OR11H4: variants seen among roughly 807,000 people sequenced by gnomAD.
OR11H4 encodes the protein olfactory receptor family 11 subfamily H member 4.
For synonymous variants in OR11H4, 162 were observed against 142.3 expected (o/e 1.14, Z -0.98); for missense variants, 460 against 371.1 (o/e 1.24, Z -1.97).
chr14:20,240,575 C>G (rs1221122620), intron 1 of OR11H4, among the ~76,000 whole-genome samples: 1 of 137,120 alleles, frequency 7.3e-6, no homozygotes, highest in Non-Finnish European at 1.6e-5. Flanking sequence ...ATTGAAACTA[C>G]CTTCTTTTTT....
At chr14:20,242,788 A>G in intron 1 of OR11H4, 23 bp from the exon 2 acceptor site, 1 of 1,608,400 alleles carries the variant, frequency 6.2e-7, no homozygotes, top group Non-Finnish European at 8.5e-7. Context: ...CTTGGATTAC[A>G]CTCATGTCTT....
rs142588807 is a variant in OR11H4, at chr14:20,243,365, G to C, written c.544G>C (p.Asp182His). The C allele has an allele frequency of 4.2e-4, 681 of 1,614,002 alleles. 3 individuals carry two copies. The Middle Eastern group carries it at 0.013, about 30-fold the overall frequency. Residue 182 changes from aspartate (D) to histidine (H), a missense_variant, in exon 2 of 2, where the codon GAC becomes CAC. Transcript: ENST00000641082. ...NIIDHFLCDMDPLMALSCAPA... is the reference protein window; with the variant it reads ...NIIDHFLCDMHPLMALSCAPA... ...CATTGATCACTTCCTGTGTGACATGGACCCATTGATGGCTCTATCCTGTGC... is the reference window on the plus strand; with the variant it reads ...CATTGATCACTTCCTGTGTGACATGCACCCATTGATGGCTCTATCCTGTGC...
rs181376090 is a variant in OR11H4, at chr14:20,242,269, T to C, written c.-11-542T>C. 9.6e-3 allele frequency among the ~76,000 whole-genome samples: 1,467 copies of C among 152,222 alleles called. 25 individuals carry two copies. The highest frequency in any genetic ancestry group is 0.031 in the African/African-American group (1,292 of 41,534). On this transcript the variant is annotated intron_variant, in intron 1 of 1. Coordinates refer to ENST00000641082, the MANE Select transcript of OR11H4 (RefSeq NM_001004479.2). Reference sequence around the variant, plus strand: ...GGTCCCTGCAGCTTTCCACAGTGCATTGTGCCCCTGGTTTATTGAGACTAG... The same window carrying C: ...GGTCCCTGCAGCTTTCCACAGTGCACTGTGCCCCTGGTTTATTGAGACTAG...
rs534895716 is a variant in OR11H4, at chr14:20,240,568, G to A, written c.-12+1237G>A. ...TAAACTTAACAAGAAACTCAATATT[G>A]AAACTACCTTCTTTTTTTTTTTTTT... On this transcript the variant is annotated intron_variant, in intron 1 of 1. Coordinates refer to ENST00000641082, the MANE Select transcript of OR11H4 (RefSeq NM_001004479.2). Among the ~76,000 whole-genome samples, 3 of 146,506 alleles carry A rather than the reference G, an allele frequency of 2.0e-5. No individual in the cohort carries two copies. The East Asian group carries it at 5.8e-4, about 28-fold the overall frequency.
intron 1 of OR11H4, among the ~76,000 whole-genome samples, chr14:20,242,425 C>G: frequency 6.6e-6 from 1 of 152,142 alleles, no homozygotes; most frequent in African/African-American, 2.4e-5. Flanking sequence ...CAGGTTGGGT[C>G]AAAGTGGCTG....
At chr14:20,241,036 C>G (rs1051623172) in intron 1 of OR11H4, among the ~76,000 whole-genome samples, 1 of 151,818 alleles carries the variant, frequency 6.6e-6, no homozygotes, top group Non-Finnish European at 1.5e-5. Context: ...TGAAAATGTC[C>G]TTACCTTCCT....
rs1348435349 is a variant in OR11H4, at chr14:20,243,206, C to T, written c.385C>T (p.Pro129Ser). The T allele has an allele frequency of 1.2e-6, 2 of 1,613,954 alleles. No individual in the cohort carries two copies. Among genetic ancestry groups the T allele is most frequent in the Non-Finnish European group, 1.7e-6 (2 of 1,179,954 alleles). The change falls in exon 2 of 2, where the codon CCA becomes TCA. Residue 129 changes from proline (P) to serine (S), a missense_variant. Coordinates refer to ENST00000641082, the MANE Select transcript of OR11H4 (RefSeq NM_001004479.2). ...AYDRYLAICH[P>S]LQYPAIMTVR... is the part of the protein sequence containing the mutation. ...TGATCGATACCTGGCCATCTGCCAC[C>T]CACTGCAGTACCCTGCCATCATGAC...
At chr14:20,240,171 A>G (rs530388641) in intron 1 of OR11H4, among the ~76,000 whole-genome samples, 2 of 152,304 alleles carry the variant, frequency 1.3e-5, no homozygotes, top group East Asian at 3.9e-4. Context: ...CTGGTTCCCA[A>G]TTTAAGTCTG....
chr14:20,241,356 C>T (rs1479640659), intron 1 of OR11H4, among the ~76,000 whole-genome samples: 2 of 147,864 alleles, frequency 1.4e-5, no homozygotes, highest in African/African-American at 2.6e-5. Context: ...TTTGTTCAAA[C>T]ATCTAAACCA....
At chr14:20,240,248 A>G (rs1375796697) in intron 1 of OR11H4, among the ~76,000 whole-genome samples, 1 of 152,178 alleles carries the variant, frequency 6.6e-6, no homozygotes, top group Non-Finnish European at 1.5e-5. Flanking sequence ...CGTAAACAAC[A>G]ATCTGGAAAT....
chr14:20,242,170 T>C (rs1880946525), intron 1 of OR11H4, among the ~76,000 whole-genome samples: 1 of 152,060 alleles, frequency 6.6e-6, no homozygotes, highest in Non-Finnish European at 1.5e-5. Context: ...CAGGTCTTTC[T>C]CATCCCACGA....
At position 20,243,688 on chromosome 14, in the gene OR11H4, C is replaced by T; in HGVS notation, c.867C>T (p.Ile289=). Residue 289 remains isoleucine, a synonymous_variant, in exon 2 of 2, where the codon ATC becomes ATT. Transcript: ENST00000641082. The part of the protein sequence containing the change: ...SVTTPLFNPL[I]YTLRNKDMKL... Reference sequence around the variant, plus strand: ...CGACTCCTCTTTTTAATCCTCTGATCTATACTCTTCGTAATAAGGACATGA... The same window carrying T: ...CGACTCCTCTTTTTAATCCTCTGATTTATACTCTTCGTAATAAGGACATGA... The T allele has an allele frequency of 6.2e-7, 1 of 1,611,052 alleles. No homozygotes were observed. The highest frequency in any genetic ancestry group is 2.2e-5 in the East Asian group (1 of 44,868).
intron 1 of OR11H4, among the ~76,000 whole-genome samples, chr14:20,242,458 C>T (rs1594243228): frequency 1.3e-5 from 2 of 152,232 alleles, no homozygotes; most frequent in East Asian, 3.9e-4. Context: ...TGGGGCAAAG[C>T]TACAAATTAA....
At chr14:20,242,639 C>A (rs1246193920) in intron 1 of OR11H4, 172 bp from the exon 2 acceptor site, 2 of 686,254 alleles carry the variant, frequency 2.9e-6, no homozygotes, top group Non-Finnish European at 4.8e-6. Context: ...CACAGAGAAC[C>A]ACAATCAATT....
intron 1 of OR11H4, among the ~76,000 whole-genome samples, chr14:20,240,167 C>T (rs1237358504): frequency 6.6e-6 from 1 of 152,130 alleles, no homozygotes; most frequent in South Asian, 2.1e-4. Context: ...AATTCTGGTT[C>T]CCAATTTAAG....
At chr14:20,242,684 A>C in intron 1 of OR11H4, 127 bp from the exon 2 acceptor site, 1 of 1,077,532 alleles carries the variant, frequency 9.3e-7, no homozygotes, top group Non-Finnish European at 1.3e-6. Flanking sequence ...ACCTGGTCTC[A>C]GATTATCTCA....
intron 1 of OR11H4, among the ~76,000 whole-genome samples, chr14:20,239,693 G>GA (rs939588522): frequency 5.2e-4 from 76 of 145,172 alleles, no homozygotes; most frequent in South Asian, 1.5e-3. Context: ...GACTGTCTCA[G>GA]AAAAAAAAAA....
In OR11H4 at chr14:20,239,308, T is replaced by C; in HGVS notation, c.-35T>C. ...GTGAGGGGCATTCAACAGAAGGCTA[T>C]TAAATCAAGCTATCACACTTATGGT... is the stretch of plus-strand genomic sequence containing the variant. On this transcript the variant is annotated 5_prime_UTR_variant, in exon 1 of 2. Coordinates refer to ENST00000641082, the MANE Select transcript of OR11H4 (RefSeq NM_001004479.2). 1 of 152,188 alleles carries C rather than the reference T, an allele frequency of 6.6e-6. No individual in the cohort carries two copies. Among genetic ancestry groups the C allele is most frequent in the Non-Finnish European group, 1.5e-5 (1 of 68,048 alleles). 9.4% of individuals were successfully genotyped at this position (152,188 alleles called of 1,614,324 possible). A position where few individuals can be genotyped will look rare whatever the true frequency, so the allele number is the denominator to read the frequency against.
chr14:20,242,917 G>A lies in OR11H4; in HGVS notation c.96G>A (p.Leu32=), dbSNP rs1287088381. The change falls in exon 2 of 2, where the codon TTG becomes TTA. Residue 32 remains leucine (L), a synonymous_variant. Transcript: ENST00000641082. The part of the protein sequence containing the change: ...KIQIFLFSLF[L]VIYVLTLLGN... Reference sequence around the variant, plus strand: ...AGATTTTCCTCTTCTCATTGTTTTTGGTGATTTATGTCTTGACCTTGCTGG... The same window carrying A: ...AGATTTTCCTCTTCTCATTGTTTTTAGTGATTTATGTCTTGACCTTGCTGG... The A allele has an allele frequency of 6.2e-7, 1 of 1,614,070 alleles. No individual in the cohort carries two copies. Among genetic ancestry groups the A allele is most frequent in the Admixed American group, 1.7e-5 (1 of 60,014 alleles).
Sources: gnomAD v4.1 joint callset for allele counts (sites outside exome capture counted in the v4.1 genomes callset) on GRCh38, gnomAD v4.1.1 for gene constraint, MANE v1.5 for transcripts, NCBI Gene and HGNC (gene_info 2026-07-23, HGNC 2026-07-21) for gene names.